Variants in RASSF9 observed in about 807,000 individuals in gnomAD.
RASSF9 encodes the protein Ras association domain family member 9.
A neutral mutation model predicts 21.4 loss-of-function variants in RASSF9; 18 were observed. The ratio of observed to expected loss-of-function variants is 0.84; its 90% confidence interval spans 0.58 to 1.25. The LOEUF (loss-of-function observed/expected upper bound fraction) is 1.25, where lower values mean the gene tolerates loss of function less well. RASSF9 is among the 50% of genes most tolerant of loss of function. RASSF9 has a pLI of 0.00. For synonymous variants in RASSF9, 183 were observed against 179.1 expected, an observed-to-expected ratio of 1.02 and a Z score of -0.18; for missense variants, 480 against 503.2, an observed-to-expected ratio of 0.95 and a Z score of 0.44.
At chr12:85,806,501 C>A (rs1310507330) in intron 1 of RASSF9, among the ~76,000 whole-genome samples, 1 of 149,832 alleles carries the variant, frequency 6.7e-6, no homozygotes, top group South Asian at 2.1e-4. Context: ...GGATAAACCC[C>A]GTCTCTACTA....
rs1565749385 is a variant in RASSF9, at chr12:85,800,839, T to C, written c.*3863A>G. 6.6e-6 allele frequency: 1 copy of C among 151,886 alleles called. No homozygotes were observed. The highest frequency in any genetic ancestry group is 1.9e-4 in the East Asian group (1 of 5,186). 9.4% of individuals were successfully genotyped at this position (151,886 alleles called of 1,614,324 possible). On this transcript the variant is annotated 3_prime_UTR_variant, in exon 2 of 2. Coordinates refer to ENST00000361228, the MANE Select transcript of RASSF9 (RefSeq NM_005447.4). ...GAAATAGCCTAGTATTTAAAAACTA[T>C]ATATCAGGATAAAATGTATTTCTTT...
At chr12:85,806,888 T>C (rs997810844) in intron 1 of RASSF9, among the ~76,000 whole-genome samples, 2 of 152,098 alleles carry the variant, frequency 1.3e-5, no homozygotes, top group Non-Finnish European at 2.9e-5. Context: ...AAAATCGTCA[T>C]TCTTTTTCAT....
At chr12:85,825,358 T>C (rs956981006) in intron 1 of RASSF9, among the ~76,000 whole-genome samples, 6 of 151,844 alleles carry the variant, frequency 4.0e-5, no homozygotes, top group Non-Finnish European at 7.4e-5. Flanking sequence ...AACTTGGGAG[T>C]GGGGTAGAGA....
chr12:85,805,412 G>T lies in RASSF9; in HGVS notation c.598C>A (p.Gln200Lys), dbSNP rs747904317. Residue 200 changes from glutamine to lysine, a missense_variant, in exon 2 of 2, where the codon CAA (glutamine) becomes AAA (lysine). Transcript: ENST00000361228. ...IISQDHTIHQQVKRMKELDLE... is the reference protein window; with the variant it reads ...IISQDHTIHQKVKRMKELDLE... ...TCCAGCTCTTTCATTCTCTTGACTT[G>T]CTGATGAATAGTATGGTCCTGGGAA... 1.9e-6 allele frequency: 3 copies of T among 1,613,730 alleles called. No individual in the cohort carries two copies. Among genetic ancestry groups the T allele is most frequent in the Admixed American group, 1.7e-5 (1 of 60,012 alleles).
At chr12:85,807,665 T>G (rs1879864164) in intron 1 of RASSF9, among the ~76,000 whole-genome samples, 1 of 152,020 alleles carries the variant, frequency 6.6e-6, no homozygotes, top group African/African-American at 2.4e-5. Flanking sequence ...ACACATGTAT[T>G]TATGTAAATA....
At chr12:85,809,420 C>A (rs1027711944) in intron 1 of RASSF9, among the ~76,000 whole-genome samples, 34 of 151,932 alleles carry the variant, frequency 2.2e-4, no homozygotes, top group Admixed American at 1.3e-4. Flanking sequence ...AAATTGTTCT[C>A]TTCTGTGCCT....
At chr12:85,818,983 A>C (rs1411874886) in intron 1 of RASSF9, among the ~76,000 whole-genome samples, 1 of 149,246 alleles carries the variant, frequency 6.7e-6, no homozygotes, top group African/African-American at 2.5e-5. Context: ...AAAAAAAAGG[A>C]ACTGTAAAAT....
At chr12:85,810,420 G>A (rs1456646882) in intron 1 of RASSF9, among the ~76,000 whole-genome samples, 1 of 151,874 alleles carries the variant, frequency 6.6e-6, no homozygotes. Flanking sequence ...TATTACATTA[G>A]TAGCACCCAG....
chr12:85,834,899 G>GT (rs1413850318), intron 1 of RASSF9, among the ~76,000 whole-genome samples: 1 of 151,774 alleles, frequency 6.6e-6, no homozygotes, highest in Non-Finnish European at 1.5e-5. Context: ...TTTTAATATA[G>GT]TTTCATTATC....
chr12:85,823,164 C>A (rs532356193), intron 1 of RASSF9, among the ~76,000 whole-genome samples: 3 of 148,870 alleles, frequency 2.0e-5, no homozygotes, highest in African/African-American at 7.5e-5. Context: ...CACACCACTG[C>A]ACTCCAGCCT....
chr12:85,810,448 A>G (rs563811599), intron 1 of RASSF9, among the ~76,000 whole-genome samples: 1 of 152,096 alleles, frequency 6.6e-6, no homozygotes. Context: ...ACTGATATAG[A>G]CTTATGACCC....
At chr12:85,821,444 A>G (rs752154369) in intron 1 of RASSF9, among the ~76,000 whole-genome samples, 40 of 152,318 alleles carry the variant, frequency 2.6e-4, no homozygotes, top group Admixed American at 1.0e-3. Context: ...GGAAATTTGA[A>G]TCACTGTTTT....
intron 1 of RASSF9, among the ~76,000 whole-genome samples, chr12:85,811,924 A>C (rs976453940): frequency 1.8e-4 from 27 of 151,764 alleles, no homozygotes; most frequent in Non-Finnish European, 3.7e-4. Context: ...ACAATCAATA[A>C]AACTTAAGAA....
intron 1 of RASSF9, among the ~76,000 whole-genome samples, chr12:85,810,787 A>G (rs1879937265): frequency 6.6e-6 from 1 of 151,972 alleles, no homozygotes; most frequent in African/African-American, 2.4e-5. Context: ...AATACCATGT[A>G]ACAAACAGTT....
chr12:85,816,987 A>G (rs1232494177), intron 1 of RASSF9, among the ~76,000 whole-genome samples: 2 of 152,150 alleles, frequency 1.3e-5, no homozygotes, highest in African/African-American at 4.8e-5. Flanking sequence ...AAATAGAGTT[A>G]GGAATGGGAG....
At chr12:85,827,716 T>C (rs1247777424) in intron 1 of RASSF9, among the ~76,000 whole-genome samples, 2 of 152,188 alleles carry the variant, frequency 1.3e-5, no homozygotes, top group Non-Finnish European at 2.9e-5. Context: ...TCAACCTGGC[T>C]AAAACAGTCT....
chr12:85,807,884 C>T (rs999203918), intron 1 of RASSF9, among the ~76,000 whole-genome samples: 6 of 152,070 alleles, frequency 3.9e-5, no homozygotes, highest in Non-Finnish European at 8.8e-5. Context: ...TTCATAATGC[C>T]TCTTTAAAAG....
chr12:85,806,129 C>A (rs2136549466), intron 1 of RASSF9, among the ~76,000 whole-genome samples, 167 bp from the exon 2 acceptor site: 1 of 152,086 alleles, frequency 6.6e-6, no homozygotes, highest in East Asian at 2.0e-4. Context: ...TCACTGCAAG[C>A]TCCGCTTCTC....
At position 85,801,868 on chromosome 12, in the gene RASSF9, A is replaced by G. The variant is rs1472645414; in HGVS notation, c.*2834T>C. 1 of 152,252 alleles carries G rather than the reference A, an allele frequency of 6.6e-6. No individual in the cohort carries two copies. The highest frequency in any genetic ancestry group is 1.5e-5 in the Non-Finnish European group (1 of 68,054). 9.4% of individuals were successfully genotyped at this position (152,252 alleles called of 1,614,324 possible). A position where few individuals can be genotyped will look rare whatever the true frequency, so the allele number is the denominator to read the frequency against. On this transcript the variant is annotated 3_prime_UTR_variant, in exon 2 of 2. Transcript: ENST00000361228. ...GGAGGGGAATTAGGTAAGTGCATAAATATATATAGCGTAAGCCAGAATAAA... is the reference window on the plus strand; with the variant it reads ...GGAGGGGAATTAGGTAAGTGCATAAGTATATATAGCGTAAGCCAGAATAAA...
Sources: gnomAD v4.1 joint callset for allele counts (sites outside exome capture counted in the v4.1 genomes callset) on GRCh38, gnomAD v4.1.1 for gene constraint, MANE v1.5 for transcripts, NCBI Gene and HGNC (gene_info 2026-07-23, HGNC 2026-07-21) for gene names.